Variants in TRIO observed in about 807,000 individuals in gnomAD.
TRIO encodes triple functional domain protein.
A neutral mutation model predicts 351.9 loss-of-function variants in TRIO; 58 were observed. That is an observed-to-expected ratio of 0.16 (90% confidence interval 0.13 to 0.21). The LOEUF (loss-of-function observed/expected upper bound fraction) is 0.21. Ranked by LOEUF, TRIO falls within the 10% of genes least tolerant of loss-of-function variation. TRIO has a pLI of 1.00. For synonymous variants in TRIO, 1,758 were observed against 1,595.7 expected (o/e 1.10, Z -2.42); for missense variants, 3,201 against 4,027.8 (o/e 0.79, Z 5.56).
intron 48 of TRIO, chr5:14,492,224 G>T (rs769897515): frequency 3.6e-5 from 11 of 307,484 alleles, no homozygotes; most frequent in Non-Finnish European, 6.1e-5. Context: ...GTTTGCTTAG[G>T]AGTAACCTAA....
At chr5:14,232,061 T>C (rs1793468141) in intron 1 of TRIO, among the ~76,000 whole-genome samples, 1 of 152,194 alleles carries the variant, frequency 6.6e-6, no homozygotes. Flanking sequence ...GTTATCTCAC[T>C]TAATCTTTAT....
chr5:14,465,175 G>C (rs768268316), intron 36 of TRIO, among the ~76,000 whole-genome samples: 1 of 151,882 alleles, frequency 6.6e-6, no homozygotes, highest in Non-Finnish European at 1.5e-5. Flanking sequence ...TCATTCTGCT[G>C]TAGGTCAGAT....
intron 34 of TRIO, among the ~76,000 whole-genome samples, chr5:14,459,183 G>GA (rs1321288782): frequency 6.6e-6 from 1 of 152,220 alleles, no homozygotes; most frequent in Admixed American, 6.5e-5. Context: ...GGACAGCAGT[G>GA]AGACGGGCGT....
Position 14,499,604 on chromosome 5 carries a change from C to T in TRIO, c.8332+964C>T, listed in dbSNP as rs142254651. 2.4e-3 allele frequency among the ~76,000 whole-genome samples: 370 copies of T among 152,234 alleles called. 1 individual carries two copies. Among genetic ancestry groups the T allele is most frequent in the African/African-American group, 8.0e-3 (334 of 41,528 alleles). On this transcript the variant is annotated intron_variant, in intron 53 of 56. Transcript: ENST00000344204. ...ACAACATTAAATCAGAAGACATGTT[C>T]TGATTTTTTGGATCATGGAACAAGA...
intron 28 of TRIO, among the ~76,000 whole-genome samples, chr5:14,395,862 G>A (rs957258253): frequency 1.3e-5 from 2 of 151,958 alleles, no homozygotes; most frequent in South Asian, 4.2e-4. Flanking sequence ...TGGCTAACAC[G>A]GTGAAACCCC....
intron 9 of TRIO, among the ~76,000 whole-genome samples, chr5:14,322,667 C>G (rs1191206947): frequency 6.6e-6 from 1 of 152,192 alleles, no homozygotes; most frequent in Non-Finnish European, 1.5e-5. Context: ...GTTTGAGTTC[C>G]TGAACTCCCT....
At chr5:14,453,401 G>A (rs1579697739) in intron 34 of TRIO, among the ~76,000 whole-genome samples, 3 of 152,184 alleles carry the variant, frequency 2.0e-5, no homozygotes, top group Middle Eastern at 3.4e-3. Flanking sequence ...CATCCTAGAC[G>A]CCATGTTAGG....
chr5:14,423,290 G>A (rs1318991737), intron 34 of TRIO, among the ~76,000 whole-genome samples: 2 of 152,220 alleles, frequency 1.3e-5, no homozygotes, highest in South Asian at 2.1e-4. Flanking sequence ...TCTGGGCTGA[G>A]GCCCACTCAC....
chr5:14,247,752 A>G (rs1488095793), intron 1 of TRIO, among the ~76,000 whole-genome samples: 2 of 152,194 alleles, frequency 1.3e-5, no homozygotes, highest in African/African-American at 4.8e-5. Context: ...TAAATTAAAT[A>G]TAGAGAGGGA....
chr5:14,264,473 CTT>C (rs1186912295), intron 1 of TRIO, among the ~76,000 whole-genome samples: 1 of 151,574 alleles, frequency 6.6e-6, no homozygotes. Context: ...GTCCATAAGT[CTT>C]AATTCATTTT....
At chr5:14,291,788 TAAAAAAAAA>T (rs57424190) in intron 5 of TRIO, among the ~76,000 whole-genome samples, 1,119 of 100,944 alleles carry the variant, frequency 0.011, 20 homozygotes, top group African/African-American at 0.032. Context: ...GACTCCGTCT[TAAAAAAAAA>T]AAAAAAAAAA....
At chr5:14,189,614 C>A (rs1790337813) in intron 1 of TRIO, among the ~76,000 whole-genome samples, 2 of 152,160 alleles carry the variant, frequency 1.3e-5, no homozygotes, top group Non-Finnish European at 2.9e-5. Flanking sequence ...TATTTTCATG[C>A]ACTTAGAAAC....
At chr5:14,313,107 G>C (rs73059523) in intron 8 of TRIO, among the ~76,000 whole-genome samples, 2 of 152,180 alleles carry the variant, frequency 1.3e-5, no homozygotes, top group Non-Finnish European at 2.9e-5. Context: ...GTTCCATGCT[G>C]TCTGGTTTTA....
chr5:14,451,325 T>G (rs1752833403), intron 34 of TRIO, among the ~76,000 whole-genome samples: 1 of 152,212 alleles, frequency 6.6e-6, no homozygotes, highest in African/African-American at 2.4e-5. Flanking sequence ...GGTCTTTTCT[T>G]TATTCAAAAA....
chr5:14,403,678 G>A (rs746129749), intron 31 of TRIO, among the ~76,000 whole-genome samples: 3,392 of 127,218 alleles, frequency 0.027, 35 homozygotes, highest in African/African-American at 0.038. Context: ...TGGTGAGGGT[G>A]CAGGTGGTGG....
At position 14,330,865 on chromosome 5, in the gene TRIO, C is replaced by A. The variant is rs1340215037; in HGVS notation, c.1819C>A (p.Gln607Lys). Residue 607 changes from glutamine (Q) to lysine (K), a missense_variant, in exon 10 of 57, where the codon CAG becomes AAG. This residue lies in a region of TRIO where 38 missense variants were observed against 93.4 expected (regional missense o/e 0.41). Transcript: ENST00000344204. ...GKSLHRARALQKRHEDFEEVA... is the reference protein window; with the variant it reads ...GKSLHRARALKKRHEDFEEVA... ...ATCTCTTCATCGGGCCAGAGCATTG[C>A]AGAAACGTCATGAAGATTTTGAAGA... is the stretch of plus-strand genomic sequence containing the variant. The A allele has an allele frequency of 1.2e-6, 2 of 1,614,150 alleles. No homozygotes were observed. Among genetic ancestry groups the A allele is most frequent in the Non-Finnish European group, 1.7e-6 (2 of 1,179,996 alleles).
intron 1 of TRIO, among the ~76,000 whole-genome samples, chr5:14,217,444 T>G (rs936617886): frequency 3.3e-5 from 5 of 152,104 alleles, no homozygotes. Flanking sequence ...AAAGCTTTTC[T>G]TCTCCCTCGT....
In TRIO at chr5:14,472,671, A is replaced by G. The variant is rs376304756; in HGVS notation, c.5979+13A>G. On this transcript the variant is annotated intron_variant, in intron 39 of 56. Transcript: ENST00000344204. ...CTATGTGGTTGAGGTGTGTATTGCC[A>G]GAAATTTAGTATCTTCGTATCAGTT... The G allele has an allele frequency of 1.8e-5, 29 of 1,613,136 alleles. No homozygotes were observed. In the African/African-American group the frequency reaches 3.2e-4, roughly 18 times the overall value.
chr5:14,229,403 C>T (rs1489386078), intron 1 of TRIO, among the ~76,000 whole-genome samples: 1 of 152,156 alleles, frequency 6.6e-6, no homozygotes, highest in Non-Finnish European at 1.5e-5. Context: ...GCCTGCAGGC[C>T]CTCCTTTGCC....
Sources: gnomAD v4.1 joint callset for allele counts (sites outside exome capture counted in the v4.1 genomes callset) on GRCh38, gnomAD v4.1.1 for gene constraint, gnomAD v4.1.1 regional missense constraint, MANE v1.5 for transcripts, NCBI Gene and HGNC (gene_info 2026-07-23, HGNC 2026-07-21) for gene names.